MED13L: variants seen among roughly 807,000 people sequenced by gnomAD.
MED13L encodes mediator complex subunit 13L.
A neutral mutation model predicts 220.9 loss-of-function variants in MED13L; 7 were observed. The ratio of observed to expected loss-of-function variants is 0.03; its 90% CI spans 0.02 to 0.06. The LOEUF is 0.06. Ranked by LOEUF, MED13L falls within the 10% of genes least tolerant of loss-of-function variation. The pLI is 1.00. For synonymous variants in MED13L, 1,011 were observed against 1,015.2 expected (o/e 1.00, Z 0.08); for missense variants, 1,965 against 2,760.5 (o/e 0.71, Z 6.46).
chr12:116,162,173 C>T (rs1878902973), intron 2 of MED13L, among the ~76,000 whole-genome samples: 1 of 151,750 alleles, frequency 6.6e-6, no homozygotes, highest in African/African-American at 2.4e-5. Flanking sequence ...TGAGTCAGAA[C>T]AAGAAAGTCC....
intron 16 of MED13L, 79 bp downstream of exon 16, chr12:115,996,397 C>T: frequency 6.6e-7 from 1 of 1,525,162 alleles, no homozygotes; most frequent in Non-Finnish European, 9.1e-7. Flanking sequence ...CGGACCTTGT[C>T]ATCATTTTTA....
In MED13L at chr12:116,230,624, TA is replaced by T. The variant is rs34890905; in HGVS notation, c.310+6843del. The T allele has an allele frequency of 7.8e-4, 207 of 266,816 alleles. 1 individual carries two copies. The highest frequency in any genetic ancestry group is 1.9e-3 in the Middle Eastern group (1 of 514). The allele number at this position is 266,816 out of a possible 1,614,324, so 16.5% of individuals were successfully genotyped here. The stretch of plus-strand genomic sequence containing the variant: ...CAATGACTCACAAATTTAATACCAC[TA>T]AAAAAAAAGATAGAAAAACAGAGTG... On this transcript the variant is annotated intron_variant, in intron 2 of 30. Coordinates refer to ENST00000281928, the MANE Select transcript of MED13L (RefSeq NM_015335.5).
chr12:116,071,199 G>A (rs1000164430), intron 4 of MED13L, among the ~76,000 whole-genome samples: 5 of 152,082 alleles, frequency 3.3e-5, no homozygotes, highest in Admixed American at 3.3e-4. Flanking sequence ...GAAGACAGCA[G>A]TTCAATATCG....
chr12:116,006,139 A>G, intron 12 of MED13L, 146 bp from the exon 13 acceptor site: 1 of 1,352,908 alleles, frequency 7.4e-7, no homozygotes, highest in Non-Finnish European at 1.0e-6. Context: ...TTATTTCCAA[A>G]TATGTTTATC....
chr12:116,270,286 C>A (rs146973684), intron 1 of MED13L, among the ~76,000 whole-genome samples: 2 of 151,872 alleles, frequency 1.3e-5, no homozygotes, highest in Non-Finnish European at 2.9e-5. Context: ...GGACTACAGA[C>A]GCGCACCACC....
intron 1 of MED13L, among the ~76,000 whole-genome samples, chr12:116,276,055 C>T (rs1239329316): frequency 6.6e-6 from 1 of 152,152 alleles, no homozygotes; most frequent in Non-Finnish European, 1.5e-5. Context: ...GCAAAGATGG[C>T]ATTTACCACC....
chr12:115,992,849 G>C (rs951074651), intron 16 of MED13L, among the ~76,000 whole-genome samples: 7 of 152,030 alleles, frequency 4.6e-5, no homozygotes, highest in African/African-American at 1.7e-4. Flanking sequence ...CTTCTTTTTG[G>C]AACAGCTAGG....
At chr12:116,014,374 A>G (rs143347107) in intron 8 of MED13L, among the ~76,000 whole-genome samples, 1 of 152,338 alleles carries the variant, frequency 6.6e-6, no homozygotes, top group East Asian at 1.9e-4. Flanking sequence ...AAGAAAGCAG[A>G]CATCTACTCA....
rs535832009 is a variant in MED13L at position 116,156,192 on chromosome 12, GTTTT to G, written c.311-44684_311-44681del. Among the ~76,000 whole-genome samples the G allele has an allele frequency of 4.5e-3, 687 of 151,636 alleles. 6 individuals carry two copies. The highest frequency in any genetic ancestry group is 0.015 in the African/African-American group (638 of 41,386). On this transcript the variant is annotated intron_variant, in intron 2 of 30. Transcript: ENST00000281928. ...AATATGTTAAGGTTCAAGTTCATCA[GTTTT>G]TTTTATTTTTGCAGTAGTATAAATA...
At chr12:116,274,699 C>T (rs1236065018) in intron 1 of MED13L, among the ~76,000 whole-genome samples, 1 of 151,616 alleles carries the variant, frequency 6.6e-6, no homozygotes, top group Admixed American at 6.6e-5. Context: ...GCACCTTATC[C>T]ACACTCCACG....
chr12:116,062,012 A>G (rs11067897), intron 4 of MED13L, among the ~76,000 whole-genome samples: 2 of 148,926 alleles, frequency 1.3e-5, no homozygotes. Flanking sequence ...CACATCGAAA[A>G]AAAAAAAAAA....
intron 9 of MED13L, among the ~76,000 whole-genome samples, chr12:116,009,702 A>G (rs1424946119): frequency 6.6e-6 from 1 of 152,210 alleles, no homozygotes; most frequent in Non-Finnish European, 1.5e-5. Flanking sequence ...ATATCTAGGC[A>G]AGAAGGGATA....
At position 116,068,126 on chromosome 12, in the gene MED13L, T is replaced by C. The variant is rs960954437; in HGVS notation, c.479+28543A>G. 3.9e-5 allele frequency among the ~76,000 whole-genome samples: 6 copies of C among 152,196 alleles called. 1 individual carries two copies. The highest frequency in any genetic ancestry group is 1.4e-4 in the African/African-American group (6 of 41,446). The stretch of plus-strand genomic sequence containing the variant: ...ACGCACCAACAATGAGCAAGCATAC[T>C]GGCCTCTTTATCTAACATAAGCTTC... On this transcript the variant is annotated intron_variant, in intron 4 of 30. Transcript: ENST00000281928.
intron 6 of MED13L, 80 bp downstream of exon 6, chr12:116,019,698 G>C (rs1592953710): frequency 6.8e-7 from 1 of 1,471,900 alleles, no homozygotes; most frequent in African/African-American, 1.4e-5. Flanking sequence ...GATTATTTCT[G>C]AAGAATCTAA....
chr12:116,212,405 A>T (rs1211594787), intron 2 of MED13L, among the ~76,000 whole-genome samples: 2 of 152,194 alleles, frequency 1.3e-5, no homozygotes, highest in Non-Finnish European at 2.9e-5. Context: ...CAAGAATAAC[A>T]GCCTCTCTCA....
intron 4 of MED13L, among the ~76,000 whole-genome samples, chr12:116,057,590 T>G (rs1176013835): frequency 1.3e-5 from 2 of 150,784 alleles, no homozygotes; most frequent in African/African-American, 4.9e-5. Flanking sequence ...ATGCTGTGAC[T>G]CATCGCCTAC....
intron 4 of MED13L, among the ~76,000 whole-genome samples, chr12:116,085,414 T>C (rs539591225): frequency 5.9e-5 from 9 of 152,318 alleles, no homozygotes; most frequent in African/African-American, 2.2e-4. Flanking sequence ...GATCATCTTT[T>C]AACATCAAGA....
Position 115,996,631 on chromosome 12 carries a change from G to A in MED13L, c.2841C>T (p.Ser947=), listed in dbSNP as rs1237747033. Residue 947 remains serine, a synonymous_variant, in exon 16 of 31, where the codon TCC becomes TCT. Transcript: ENST00000281928. ...ACATCTTCAGTGGAGCAAACATGGA[G>A]GATCCCACAAAAGGTTGAAAGGATG... ...KVPSFQPFVG[S]SMFAPLKMLP... is the part of the protein sequence containing the mutation. 3 of 1,614,082 alleles carry A rather than the reference G, an allele frequency of 1.9e-6. No homozygotes were observed. Among genetic ancestry groups the A allele is most frequent in the Non-Finnish European group, 2.5e-6 (3 of 1,179,982 alleles).
chr12:116,159,027 A>G (rs577309017), intron 2 of MED13L, among the ~76,000 whole-genome samples: 9 of 152,334 alleles, frequency 5.9e-5, no homozygotes, highest in Non-Finnish European at 1.2e-4. Flanking sequence ...AAATATGTTC[A>G]ATCCTACCTT....
Sources: allele counts gnomAD v4.1 joint callset (sites outside exome capture counted in the v4.1 genomes callset), GRCh38; gene constraint gnomAD v4.1.1; transcripts MANE v1.5; gene names NCBI Gene and HGNC (gene_info 2026-07-23, HGNC 2026-07-21).